CREBBP: variants seen among roughly 807,000 people sequenced by gnomAD.
CREBBP encodes the protein CREB binding lysine acetyltransferase, also known as CREB-binding protein.
In CREBBP, 19 loss-of-function variants were observed where a neutral mutation model predicts 265.0. The ratio of observed to expected loss-of-function variants is 0.07; its 90% confidence interval spans 0.05 to 0.11. CREBBP has a LOEUF of 0.11. CREBBP is among the 10% of genes least tolerant of loss of function. The pLI, the probability that CREBBP is intolerant of heterozygous loss-of-function variation, is 1.00. For synonymous variants in CREBBP, 1,457 were observed against 1,223.7 expected (o/e 1.19, Z -3.98); for missense variants, 2,525 against 3,219.0 (o/e 0.78, Z 5.22).
At chr16:3,832,399 C>T (rs1028943783) in intron 2 of CREBBP, among the ~76,000 whole-genome samples, 1 of 152,210 alleles carries the variant, frequency 6.6e-6, no homozygotes, top group Non-Finnish European at 1.5e-5. Flanking sequence ...AGACCCATAT[C>T]ACTCATGAAT....
intron 2 of CREBBP, among the ~76,000 whole-genome samples, chr16:3,831,437 TAAG>T (rs2054340650): frequency 6.6e-6 from 1 of 152,174 alleles, no homozygotes; most frequent in Non-Finnish European, 1.5e-5. Context: ...GCATAGGGTT[TAAG>T]GAGAAATTTA....
chr16:3,849,758 A>T (rs2054787340), intron 2 of CREBBP, among the ~76,000 whole-genome samples: 1 of 151,606 alleles, frequency 6.6e-6, no homozygotes, highest in Non-Finnish European at 1.5e-5. Context: ...CTTCTAGGGG[A>T]TGCTGCTGCT....
At chr16:3,870,971 G>A (rs1202709344) in intron 1 of CREBBP, among the ~76,000 whole-genome samples, 1 of 150,332 alleles carries the variant, frequency 6.7e-6, no homozygotes, top group African/African-American at 2.5e-5. Context: ...GCTTGGGCAA[G>A]CAAGACCCCA....
At chr16:3,810,828 A>C in intron 2 of CREBBP, 49 bp from the exon 3 acceptor site, 1 of 1,584,564 alleles carries the variant, frequency 6.3e-7, no homozygotes, top group Non-Finnish European at 8.7e-7. Context: ...AGTCAATATA[A>C]AAGGAAGGGC....
Position 3,726,247 on chromosome 16 carries a change from G to T in CREBBP, c.*1471C>A, listed in dbSNP as rs558800596. The T allele has an allele frequency of 1.3e-3, 293 of 232,726 alleles. No individual in the cohort carries two copies. Among genetic ancestry groups the T allele is most frequent in the African/African-American group, 5.2e-3 (234 of 45,370 alleles). The allele number at this position is 232,726 out of a possible 1,614,324, so 14.4% of individuals were successfully genotyped here. A position where few individuals can be genotyped will look rare whatever the true frequency, so the allele number is the denominator to read the frequency against. Reference sequence around the variant, plus strand: ...ATTCTGGGAGTCGTGTACGGGGGGGGGGAGCCGCCTGAACACGGGAAGAAG... The same window carrying T: ...ATTCTGGGAGTCGTGTACGGGGGGGTGGAGCCGCCTGAACACGGGAAGAAG... On this transcript the variant is annotated 3_prime_UTR_variant, in exon 31 of 31. Coordinates refer to ENST00000262367, the MANE Select transcript of CREBBP (RefSeq NM_004380.3).
intron 11 of CREBBP, among the ~76,000 whole-genome samples, chr16:3,775,522 T>G (rs1170822118): frequency 1.3e-5 from 2 of 152,206 alleles, no homozygotes; most frequent in Non-Finnish European, 2.9e-5. Flanking sequence ...GCTGTAGTCA[T>G]GAGAAGGCTC....
chr16:3,831,727 T>C (rs1282244459), intron 2 of CREBBP, among the ~76,000 whole-genome samples: 3 of 152,186 alleles, frequency 2.0e-5, no homozygotes, highest in African/African-American at 7.2e-5. Context: ...CCGGGCATGG[T>C]GGCTCACACC....
intron 2 of CREBBP, among the ~76,000 whole-genome samples, chr16:3,821,768 G>A (rs1022689861): frequency 4.6e-5 from 7 of 152,130 alleles, no homozygotes; most frequent in African/African-American, 7.2e-5. Flanking sequence ...GGTGGCTCAC[G>A]CCTGTAATCC....
At chr16:3,768,168 T>TTTTTTTC (rs2052910821) in intron 15 of CREBBP, among the ~76,000 whole-genome samples, 1 of 136,672 alleles carries the variant, frequency 7.3e-6, no homozygotes. Context: ...TTTTTTTTTT[T>TTTTTTTC]TGAGACAGAG....
chr16:3,735,996 C>T (rs753369548), intron 28 of CREBBP, 40 bp downstream of exon 28: 121 of 1,613,938 alleles, frequency 7.5e-5, no homozygotes, highest in Middle Eastern at 1.6e-4. Flanking sequence ...GCAGCTCCAG[C>T]GGGACACGTG....
Position 3,774,708 on chromosome 16 carries a change from A to G in CREBBP, c.2159-15T>C, listed in dbSNP as rs979097895. On this transcript the variant is annotated splice_polypyrimidine_tract_variant and intron_variant, in intron 11 of 30. Coordinates refer to ENST00000262367, the MANE Select transcript of CREBBP (RefSeq NM_004380.3). ...TGAATTCATCCCTGTAAATGTACCC[A>G]CAACGGTTCATTAGGAAAAGCACCC... 54 of 1,614,088 alleles carry G rather than the reference A, an allele frequency of 3.3e-5. No homozygotes were observed. Among genetic ancestry groups the G allele is most frequent in the Non-Finnish European group, 4.4e-5 (52 of 1,180,024 alleles).
intron 2 of CREBBP, among the ~76,000 whole-genome samples, chr16:3,830,227 T>G (rs2054316550): frequency 6.6e-6 from 1 of 151,942 alleles, no homozygotes; most frequent in Admixed American, 6.6e-5. Flanking sequence ...TGAAACCCTG[T>G]CTCTACTAAA....
chr16:3,837,357 T>C (rs1001221098), intron 2 of CREBBP, among the ~76,000 whole-genome samples: 11 of 152,224 alleles, frequency 7.2e-5, no homozygotes, highest in African/African-American at 2.7e-4. Context: ...GGCTCACACC[T>C]GTAATCCCAG....
At chr16:3,757,756 T>A in intron 18 of CREBBP, 53 bp downstream of exon 18, 15 of 1,608,412 alleles carry the variant, frequency 9.3e-6, no homozygotes, top group Admixed American at 1.7e-5. Flanking sequence ...ATAACACCCC[T>A]CTGGCTGGAT....
rs369543988 is a variant in CREBBP at position 3,740,515 on chromosome 16, T to C, written c.4017A>G (p.Glu1339=). The change falls in exon 24 of 31, where the codon GAA becomes GAG. Residue 1339 remains glutamate, a synonymous_variant. Coordinates refer to ENST00000262367, the MANE Select transcript of CREBBP (RefSeq NM_004380.3). The part of the protein sequence containing the change: ...LQTTRLGNHL[E]DRVNKFLRRQ... ...GCCGCAAAAATTTGTTCACTCGGTC[T>C]TCCAAGTGGTTTCCCAGTCTTGTGG... 6.2e-7 allele frequency: 1 copy of C among 1,614,070 alleles called. No homozygotes were observed. The highest frequency in any genetic ancestry group is 8.5e-7 in the Non-Finnish European group (1 of 1,180,044).
chr16:3,783,012 C>G, intron 5 of CREBBP, 86 bp from the exon 6 acceptor site: 1 of 1,528,746 alleles, frequency 6.5e-7, no homozygotes, highest in Non-Finnish European at 9.0e-7. Flanking sequence ...TATTGAGAAG[C>G]AAATACATTT....
At chr16:3,870,532 T>C (rs925802995) in intron 1 of CREBBP, among the ~76,000 whole-genome samples, 1 of 152,158 alleles carries the variant, frequency 6.6e-6, no homozygotes, top group Non-Finnish European at 1.5e-5. Context: ...TAAAAAACAG[T>C]TGAACTGCAA....
chr16:3,812,267 C>T (rs1364443292), intron 2 of CREBBP, among the ~76,000 whole-genome samples: 2 of 152,084 alleles, frequency 1.3e-5, no homozygotes, highest in Admixed American at 6.5e-5. Context: ...AAACCTCCCT[C>T]TCCCAGGTTC....
Position 3,727,275 on chromosome 16 carries a change from C to G in CREBBP, c.*443G>C, listed in dbSNP as rs903141676. 3.8e-6 allele frequency: 1 copy of G among 264,872 alleles called. No individual in the cohort carries two copies. The highest frequency in any genetic ancestry group is 2.2e-5 in the African/African-American group (1 of 45,396). The allele number at this position is 264,872 out of a possible 1,614,324, so 16.4% of individuals were successfully genotyped here. A position where few individuals can be genotyped will look rare whatever the true frequency, so the allele number is the denominator to read the frequency against. The stretch of plus-strand genomic sequence containing the variant: ...CAAAGTTATCGGGATACATTATAAG[C>G]TTGCATTATTTCAGGAATCAGTTCT... On this transcript the variant is annotated 3_prime_UTR_variant, in exon 31 of 31. Transcript: ENST00000262367.
Sources: allele counts gnomAD v4.1 joint callset (sites outside exome capture counted in the v4.1 genomes callset), GRCh38; gene constraint gnomAD v4.1.1; transcripts MANE v1.5; gene names NCBI Gene and HGNC (gene_info 2026-07-23, HGNC 2026-07-21).